PCNX1: variants seen among roughly 807,000 people sequenced by gnomAD.
PCNX1 encodes the protein pecanex-like protein 1.
PCNX1 carries 78 observed loss-of-function variants against 242.2 expected under a neutral mutation model. That is an observed-to-expected ratio of 0.32 (90% CI 0.27 to 0.39). PCNX1 has a LOEUF of 0.39. Ranked by LOEUF, PCNX1 falls within the 10% of genes least tolerant of loss-of-function variation. The pLI is 1.00. For missense variants in PCNX1, 2,581 were observed against 2,856.5 expected (o/e 0.90, Z 2.20); for synonymous variants, 1,024 against 1,032.9 (o/e 0.99, Z 0.17).
At chr14:71,089,125 A>G in intron 29 of PCNX1, 67 bp from the exon 30 acceptor site, 1 of 1,182,052 alleles carries the variant, frequency 8.5e-7, no homozygotes, top group Non-Finnish European at 1.2e-6. Context: ...GCACACGCAG[A>G]TGTAAGAATC....
chr14:70,988,418 T>C (rs2059060286), intron 6 of PCNX1, 149 bp from the exon 7 acceptor site: 5 of 602,320 alleles, frequency 8.3e-6, no homozygotes, highest in Admixed American at 2.9e-5. Flanking sequence ...TTACCTGATA[T>C]GATAGATTGA....
In PCNX1 at chr14:70,970,780, C is replaced by T. The variant is rs560448318; in HGVS notation, c.604+1670C>T. ...ATTGTAGAGTGAAAGGAGTCATAAA[C>T]GATACATAAATAGTGGGCATGGCTG... is the stretch of plus-strand genomic sequence containing the variant. On this transcript the variant is annotated intron_variant, in intron 5 of 35. Transcript: ENST00000304743. Among the ~76,000 whole-genome samples, 6 of 152,248 alleles carry T rather than the reference C, an allele frequency of 3.9e-5. No individual in the cohort carries two copies. In the South Asian group the frequency reaches 8.3e-4, roughly 21 times the overall value.
rs77764957 is a variant in PCNX1, at chr14:71,035,969, A to C, written c.3775-96A>C. ...TAATACTGACTGAGCTAGCCAGGCA[A>C]AAAATTAATTCTTAAACTTTGCCAA... On this transcript the variant is annotated intron_variant, in intron 18 of 35. Coordinates refer to ENST00000304743, the MANE Select transcript of PCNX1 (RefSeq NM_014982.3). 288 of 817,420 alleles carry C rather than the reference A, an allele frequency of 3.5e-4. 4 individuals carry two copies. The East Asian group carries it at 7.6e-3, about 22-fold the overall frequency. The allele number at this position is 817,420 out of a possible 1,614,324, so 50.6% of individuals were successfully genotyped here. A position where few individuals can be genotyped will look rare whatever the true frequency, so the allele number is the denominator to read the frequency against.
intron 28 of PCNX1, among the ~76,000 whole-genome samples, chr14:71,079,535 CT>C (rs956236208): frequency 4.0e-5 from 6 of 151,854 alleles, no homozygotes; most frequent in African/African-American, 1.2e-4. Flanking sequence ...GACTTTGTAA[CT>C]TTTTTTTGTT....
intron 27 of PCNX1, among the ~76,000 whole-genome samples, chr14:71,074,816 AG>A (rs913103363): frequency 6.6e-6 from 1 of 152,148 alleles, no homozygotes; most frequent in African/African-American, 2.4e-5. Flanking sequence ...TCGTTGGGCA[AG>A]GTTAATCCTT....
chr14:71,026,044 C>T lies in PCNX1; in HGVS notation c.3184-73C>T. ...AAAGTTTGAATCCTTAGAATAAAGC[C>T]ATCAGTGATACCAGTAGTTATTTGT... On this transcript the variant is annotated intron_variant, in intron 13 of 35. Coordinates refer to ENST00000304743, the MANE Select transcript of PCNX1 (RefSeq NM_014982.3). 11 of 884,618 alleles carry T rather than the reference C, an allele frequency of 1.2e-5. No individual in the cohort carries two copies. The South Asian group carries it at 2.1e-4, about 17-fold the overall frequency. The allele number at this position is 884,618 out of a possible 1,614,324, so 54.8% of individuals were successfully genotyped here. A position where few individuals can be genotyped will look rare whatever the true frequency, so the allele number is the denominator to read the frequency against.
intron 26 of PCNX1, among the ~76,000 whole-genome samples, chr14:71,068,599 T>TGTGTGG (rs2141368933): frequency 7.0e-6 from 1 of 143,214 alleles, no homozygotes; most frequent in South Asian, 2.2e-4. Context: ...TGCGTGTGTG[T>TGTGTGG]GTGTGTGTGT....
chr14:70,949,452 A>G (rs544216248), intron 2 of PCNX1, among the ~76,000 whole-genome samples: 5 of 151,928 alleles, frequency 3.3e-5, no homozygotes, highest in East Asian at 1.9e-4. Flanking sequence ...TATATGTATA[A>G]TATACACATA....
intron 12 of PCNX1, 52 bp downstream of exon 12, chr14:71,019,214 C>A: frequency 7.0e-7 from 1 of 1,429,978 alleles, no homozygotes; most frequent in Admixed American, 2.2e-5. Context: ...TGTTAAAAGG[C>A]AGAGGATTTT....
chr14:71,105,999 AATTTTTATT>A (rs1272983942), intron 33 of PCNX1, among the ~76,000 whole-genome samples: 1 of 150,640 alleles, frequency 6.6e-6, no homozygotes, highest in Non-Finnish European at 1.5e-5. Context: ...TTGAAAATAT[AATTTTTATT>A]TTTTTTATTA....
chr14:71,054,185 A>G (rs574588485), intron 24 of PCNX1, among the ~76,000 whole-genome samples: 113 of 152,358 alleles, frequency 7.4e-4, no homozygotes, highest in African/African-American at 2.6e-3. Context: ...AGCTACTTGC[A>G]ATATGGAATC....
chr14:71,099,280 T>C (rs2062396757), intron 30 of PCNX1, among the ~76,000 whole-genome samples: 1 of 151,404 alleles, frequency 6.6e-6, no homozygotes, highest in Admixed American at 6.6e-5. Context: ...TGCCTCAGCC[T>C]CCCGATTAGC....
intron 26 of PCNX1, among the ~76,000 whole-genome samples, chr14:71,070,994 T>C (rs2061573254): frequency 6.6e-6 from 1 of 152,234 alleles, no homozygotes; most frequent in African/African-American, 2.4e-5. Flanking sequence ...TTCTGGATAA[T>C]TTGCTGCAGC....
intron 3 of PCNX1, among the ~76,000 whole-genome samples, chr14:70,967,725 C>G (rs1325030309): frequency 6.6e-6 from 1 of 152,162 alleles, no homozygotes; most frequent in East Asian, 1.9e-4. Flanking sequence ...TAATGATACA[C>G]TTACAATTCG....
At chr14:71,028,664 A>G (rs779921331) in intron 15 of PCNX1, 36 bp from the exon 16 acceptor site, 5 of 1,214,504 alleles carry the variant, frequency 4.1e-6, no homozygotes, top group Admixed American at 2.0e-5. Context: ...ATATATTTTT[A>G]TAAAATGTTT....
intron 1 of PCNX1, among the ~76,000 whole-genome samples, chr14:70,944,570 G>T (rs962703502): frequency 6.6e-6 from 1 of 152,194 alleles, no homozygotes; most frequent in Non-Finnish European, 1.5e-5. Context: ...TTTGGGCTTG[G>T]ACTTTTGAGT....
chr14:70,926,629 G>A (rs977407609), intron 1 of PCNX1, among the ~76,000 whole-genome samples: 2 of 152,070 alleles, frequency 1.3e-5, no homozygotes, highest in Non-Finnish European at 2.9e-5. Flanking sequence ...CCACACCAAA[G>A]GATTGTCTGG....
At chr14:70,925,265 A>G (rs28377132) in intron 1 of PCNX1, among the ~76,000 whole-genome samples, 246 of 152,344 alleles carry the variant, frequency 1.6e-3, no homozygotes, top group African/African-American at 5.7e-3. Context: ...CTGGGATTAC[A>G]AGCATGAGCC....
At chr14:71,001,707 C>A (rs768669838) in intron 8 of PCNX1, among the ~76,000 whole-genome samples, 4 of 152,112 alleles carry the variant, frequency 2.6e-5, no homozygotes, top group Non-Finnish European at 2.9e-5. Context: ...TTAGTATATG[C>A]ATTAGTTGGA....
Sources: allele counts gnomAD v4.1 joint callset (sites outside exome capture counted in the v4.1 genomes callset), GRCh38; gene constraint gnomAD v4.1.1; transcripts MANE v1.5; gene names NCBI Gene and HGNC (gene_info 2026-07-23, HGNC 2026-07-21).